CFAP97: variants seen among roughly 807,000 people sequenced by gnomAD.
CFAP97 encodes cilia and flagella associated protein 97, also known as cilia- and flagella-associated protein 97.
Under a neutral mutation model 43.1 loss-of-function variants are expected in CFAP97, and 36 were observed. That is an observed-to-expected ratio of 0.84 (90% CI 0.64 to 1.10). CFAP97 has a LOEUF of 1.10. Ranked by LOEUF, CFAP97 falls within the 50% of genes least tolerant of loss-of-function variation. CFAP97 has a pLI of 0.00. For synonymous variants in CFAP97, 228 were observed against 225.7 expected, an observed-to-expected ratio of 1.01 and a Z score of -0.09; for missense variants, 657 against 620.3, an observed-to-expected ratio of 1.06 and a Z score of -0.63.
In CFAP97 at chr4:185,190,245, C is replaced by G; in HGVS notation, c.952G>C (p.Asp318His). The change falls in exon 2 of 5, where the codon GAT becomes CAT. Residue 318 changes from aspartate (D) to histidine (H), a missense_variant. Physicochemically the swap from Asp to His is moderately conservative, Grantham distance 81. Coordinates refer to ENST00000458385, the MANE Select transcript of CFAP97 (RefSeq NM_020827.3). ...AKKGKEKHEPDVSSKSSSVLD... is the reference protein window; with the variant it reads ...AKKGKEKHEPHVSSKSSSVLD... ...ACTGAAGACGACTTTGAGGAGACAT[C>G]AGGCTCATGTTTTTCTTTCCCTTTT... 1.9e-6 allele frequency: 3 copies of G among 1,613,648 alleles called. No individual in the cohort carries two copies. Among genetic ancestry groups the G allele is most frequent in the African/African-American group, 2.7e-5 (2 of 75,066 alleles).
chr4:185,171,551 C>T (rs1735302473), intron 3 of CFAP97, among the ~76,000 whole-genome samples: 1 of 152,124 alleles, frequency 6.6e-6, no homozygotes, highest in Non-Finnish European at 1.5e-5. Flanking sequence ...CACCTGAGGA[C>T]ACTGACACAC....
At position 185,163,803 on chromosome 4, in the gene CFAP97, A is replaced by ATATTTT. The variant is rs1734962143; in HGVS notation, c.1471+220_1471+225dup. 4.6e-5 allele frequency among the ~76,000 whole-genome samples: 7 copies of ATATTTT among 152,232 alleles called. No homozygotes were observed. The South Asian group carries it at 1.5e-3, about 32-fold the overall frequency. ...TCCTCAATTACCTAAGAACCTACTG[A>ATATTTT]TATTTTTGATTGTTTTATCTCCTGG... On this transcript the variant is annotated intron_variant, in intron 4 of 4. Coordinates refer to ENST00000458385, the MANE Select transcript of CFAP97 (RefSeq NM_020827.3).
At chr4:185,175,144 A>G (rs1735463669) in intron 3 of CFAP97, among the ~76,000 whole-genome samples, 3 of 152,212 alleles carry the variant, frequency 2.0e-5, no homozygotes, top group Non-Finnish European at 4.4e-5. Context: ...CACAGAAGAA[A>G]CACTTGGATA....
intron 2 of CFAP97, among the ~76,000 whole-genome samples, chr4:185,179,864 T>TATC (rs1260059305): frequency 6.6e-6 from 1 of 152,228 alleles, no homozygotes; most frequent in East Asian, 1.9e-4. Flanking sequence ...TTAAATTGAT[T>TATC]ATCAATGCTT....
intron 1 of CFAP97, among the ~76,000 whole-genome samples, chr4:185,198,275 T>C (rs1736648250): frequency 6.6e-6 from 1 of 151,278 alleles, no homozygotes; most frequent in African/African-American, 2.4e-5. Flanking sequence ...AAACCCTATC[T>C]CTACTAAAAA....
intron 2 of CFAP97, 77 bp downstream of exon 2, chr4:185,190,066 G>T (rs1402830930): frequency 5.1e-6 from 6 of 1,175,666 alleles, no homozygotes; most frequent in Middle Eastern, 2.1e-4. Flanking sequence ...CTAGATCAAT[G>T]CAAATTCATA....
chr4:185,205,660 C>G (rs1394183572), upstream of CFAP97, among the ~76,000 whole-genome samples: 1 of 152,120 alleles, frequency 6.6e-6, no homozygotes. Flanking sequence ...GAAACTCCGT[C>G]TCTACTAAAA....
intron 1 of CFAP97, among the ~76,000 whole-genome samples, chr4:185,193,901 T>C (rs1473311556): frequency 6.6e-6 from 1 of 151,564 alleles, no homozygotes; most frequent in African/African-American, 2.4e-5. Context: ...AATAAATAAA[T>C]AAATAAATAA....
chr4:185,167,247 G>C (rs992797676), intron 3 of CFAP97, among the ~76,000 whole-genome samples: 1 of 152,038 alleles, frequency 6.6e-6, no homozygotes, highest in Admixed American at 6.6e-5. Context: ...CAGGAGGATC[G>C]TGTGAGCCCA....
At chr4:185,183,840 C>G (rs1248868269) in intron 2 of CFAP97, among the ~76,000 whole-genome samples, 1 of 152,176 alleles carries the variant, frequency 6.6e-6, no homozygotes, top group Non-Finnish European at 1.5e-5. Context: ...TCTCTTCTAT[C>G]AGGGGTTCTT....
At chr4:185,208,826 T>G (rs1737327951), upstream of CFAP97, among the ~76,000 whole-genome samples, 1 of 152,210 alleles carries the variant, frequency 6.6e-6, no homozygotes, top group Non-Finnish European at 1.5e-5. Flanking sequence ...GTCTTAGCAG[T>G]AATTGCCAGT....
In CFAP97 at chr4:185,160,609, T is replaced by A. The variant is rs1384355333; in HGVS notation, c.*2189A>T. Reference sequence around the variant, plus strand: ...GTTCCGCTTAAAAGACTCTTGCCCTTTCCAACTTTTACTTTAAGTTGGATC... The same window carrying A: ...GTTCCGCTTAAAAGACTCTTGCCCTATCCAACTTTTACTTTAAGTTGGATC... On this transcript the variant is annotated 3_prime_UTR_variant, in exon 5 of 5. Coordinates refer to ENST00000458385, the MANE Select transcript of CFAP97 (RefSeq NM_020827.3). 1 of 151,966 alleles carries A rather than the reference T, an allele frequency of 6.6e-6. No individual in the cohort carries two copies. The highest frequency in any genetic ancestry group is 2.4e-5 in the African/African-American group (1 of 41,424). 9.4% of individuals were successfully genotyped at this position (151,966 alleles called of 1,614,324 possible).
intron 1 of CFAP97, among the ~76,000 whole-genome samples, chr4:185,196,409 G>T (rs988168137): frequency 3.3e-5 from 5 of 151,846 alleles, no homozygotes; most frequent in East Asian, 3.9e-4. Context: ...GGCAGGCGGA[G>T]GTTGCAGTGA....
intron 1 of CFAP97, among the ~76,000 whole-genome samples, chr4:185,196,048 A>G (rs1299846243): frequency 6.6e-6 from 1 of 152,244 alleles, no homozygotes; most frequent in Non-Finnish European, 1.5e-5. Context: ...TTCAAATTTC[A>G]AAAGTAAACG....
At chr4:185,184,341 A>G (rs1735922059) in intron 2 of CFAP97, among the ~76,000 whole-genome samples, 1 of 152,196 alleles carries the variant, frequency 6.6e-6, no homozygotes, top group Non-Finnish European at 1.5e-5. Flanking sequence ...TTCCAGGGTG[A>G]GCCTGCTTGG....
Position 185,176,021 on chromosome 4 carries a change from TG to T in CFAP97, c.1084del (p.Gln362LysfsTer10), listed in dbSNP as rs1455746730. 1.2e-5 allele frequency: 20 copies of T among 1,606,700 alleles called. No individual in the cohort carries two copies. The highest frequency in any genetic ancestry group is 3.3e-4 in the Middle Eastern group (2 of 6,050). Reference protein sequence around the residue: ...AFLQLDKKGPQKHHFDQPSVA... With the variant: ...AFLQLDKKGPXKHHFDQPSVA... ...TGAAGGCTGATCAAAGTGATGTTTTTGTGGTCCTTTTTTATCTAATTGCAGA... is the reference window on the plus strand; with the variant it reads ...TGAAGGCTGATCAAAGTGATGTTTTTTGGTCCTTTTTTATCTAATTGCAGA... On this transcript the variant is annotated frameshift_variant, in exon 3 of 5. Transcript: ENST00000458385. LOFTEE classifies it high-confidence loss of function.
chr4:185,186,689 T>TCATGA (rs1736018740), intron 2 of CFAP97, among the ~76,000 whole-genome samples: 1 of 152,184 alleles, frequency 6.6e-6, no homozygotes, highest in Admixed American at 6.5e-5. Flanking sequence ...TACACCTTTT[T>TCATGA]CATGACATAC....
chr4:185,197,444 G>C (rs80272395), intron 1 of CFAP97, among the ~76,000 whole-genome samples: 2 of 109,502 alleles, frequency 1.8e-5, no homozygotes, highest in African/African-American at 7.1e-5. Flanking sequence ...TTTTTTTTTT[G>C]AGACAGAGTC....
chr4:185,203,583 G>C (rs1023429581), intron 1 of CFAP97, among the ~76,000 whole-genome samples: 4 of 152,048 alleles, frequency 2.6e-5, no homozygotes, highest in African/African-American at 9.7e-5. Context: ...GGAAGAAGTC[G>C]TCAGGGCCCG....
Sources: gnomAD v4.1 joint callset for allele counts (sites outside exome capture counted in the v4.1 genomes callset) on GRCh38, gnomAD v4.1.1 for gene constraint, MANE v1.5 for transcripts, NCBI Gene and HGNC (gene_info 2026-07-23, HGNC 2026-07-21) for gene names.